Variants in ADK observed in about 807,000 individuals in gnomAD.
ADK encodes N6,N6-dimethyladenosine kinase.
Under a neutral mutation model 44.7 loss-of-function variants are expected in ADK, and 24 were observed. The observed-to-expected ratio is 0.54, with a 90% CI of 0.39 to 0.76. The LOEUF (loss-of-function observed/expected upper bound fraction) is 0.76, where lower values mean the gene tolerates loss of function less well. Ranked by LOEUF, ADK falls within the 30% of genes least tolerant of loss-of-function variation. The pLI, the probability that ADK is intolerant of heterozygous loss-of-function variation, is 0.00. For missense variants in ADK, 321 were observed against 425.1 expected, an observed-to-expected ratio of 0.76 and a Z score of 2.15; for synonymous variants, 128 against 142.6, an observed-to-expected ratio of 0.90 and a Z score of 0.73.
At chr10:74,587,826 G>A (rs973144517) in intron 7 of ADK, among the ~76,000 whole-genome samples, 1 of 151,242 alleles carries the variant, frequency 6.6e-6, no homozygotes, top group Non-Finnish European at 1.5e-5. Context: ...TAAAGTATAA[G>A]CACAAAGAGT....
intron 7 of ADK, among the ~76,000 whole-genome samples, chr10:74,566,489 A>G (rs1321692713): frequency 6.6e-6 from 1 of 152,036 alleles, no homozygotes; most frequent in Non-Finnish European, 1.5e-5. Context: ...TGCGTGAGCC[A>G]CCATACCTGG....
chr10:74,459,108 G>A (rs1458824402), intron 6 of ADK, among the ~76,000 whole-genome samples: 9 of 151,788 alleles, frequency 5.9e-5, no homozygotes, highest in Admixed American at 1.3e-4. Context: ...GCAAAACCCC[G>A]TCTCTACTAA....
chr10:74,214,737 G>A (rs997485021), intron 2 of ADK, among the ~76,000 whole-genome samples: 1 of 152,220 alleles, frequency 6.6e-6, no homozygotes, highest in Non-Finnish European at 1.5e-5. Flanking sequence ...ATTTAAAAGT[G>A]CCCTTTCCTC....
chr10:74,579,737 G>T (rs932395433), intron 7 of ADK, among the ~76,000 whole-genome samples: 2 of 152,176 alleles, frequency 1.3e-5, no homozygotes, highest in African/African-American at 2.4e-5. Flanking sequence ...ACACACACTG[G>T]ATATCTGCAG....
Position 74,163,376 on chromosome 10 carries a change from A to C in ADK, c.65+12033A>C, listed in dbSNP as rs569589983. Among the ~76,000 whole-genome samples, 32 of 152,300 alleles carry C rather than the reference A, an allele frequency of 2.1e-4. No homozygotes were observed. In the South Asian group the frequency reaches 6.6e-3, roughly 32 times the overall value. ...GAGGAATAGAGTTTCTGAAAGAGTG[A>C]ATGTACAAAGAAGATCCCAGTGACC... On this transcript the variant is annotated intron_variant, in intron 1 of 10. Coordinates refer to ENST00000539909, the MANE Select transcript of ADK (RefSeq NM_006721.4).
chr10:74,185,521 A>AT (rs11368451), intron 1 of ADK, among the ~76,000 whole-genome samples: 22,540 of 144,692 alleles, frequency 0.16, 1,808 homozygotes, highest in Middle Eastern at 0.27. Context: ...CAACAATATA[A>AT]TTTTTTTTTT....
In ADK at chr10:74,296,520, G is replaced by A. The variant is rs1259905583; in HGVS notation, c.195-18147G>A. On this transcript the variant is annotated intron_variant, in intron 3 of 10. Coordinates refer to ENST00000539909, the MANE Select transcript of ADK (RefSeq NM_006721.4). ...ATGGGCAAAGTTATAGAGAATAGGC[G>A]CTTTCATAAGCTATCATAAGGATAT... 2.0e-5 allele frequency among the ~76,000 whole-genome samples: 3 copies of A among 151,922 alleles called. No individual in the cohort carries two copies. The East Asian group carries it at 5.8e-4, about 29-fold the overall frequency.
intron 3 of ADK, among the ~76,000 whole-genome samples, chr10:74,268,937 A>G (rs1464046875): frequency 6.6e-6 from 1 of 152,226 alleles, no homozygotes; most frequent in Non-Finnish European, 1.5e-5. Context: ...TGTTTGGGGA[A>G]ATAATATCAA....
At chr10:74,360,463 G>T (rs1592099314) in intron 4 of ADK, among the ~76,000 whole-genome samples, 1 of 152,136 alleles carries the variant, frequency 6.6e-6, no homozygotes, top group Non-Finnish European at 1.5e-5. Flanking sequence ...GGGATGATCT[G>T]TCCATTGCCG....
At chr10:74,571,105 T>A (rs1033900926) in intron 7 of ADK, among the ~76,000 whole-genome samples, 1 of 152,248 alleles carries the variant, frequency 6.6e-6, no homozygotes, top group Non-Finnish European at 1.5e-5. Context: ...GATTTGCGTA[T>A]ATTGAACCAG....
At chr10:74,535,082 A>G (rs1005911668) in intron 7 of ADK, among the ~76,000 whole-genome samples, 22 of 152,324 alleles carry the variant, frequency 1.4e-4, no homozygotes, top group African/African-American at 5.3e-4. Flanking sequence ...GAAAAGTATA[A>G]AAGATTAAAG....
intron 5 of ADK, among the ~76,000 whole-genome samples, chr10:74,394,567 A>T (rs759121040): frequency 1.3e-5 from 2 of 152,216 alleles, no homozygotes; most frequent in Non-Finnish European, 2.9e-5. Context: ...AATTAGAATC[A>T]GAAAAGGCTG....
chr10:74,333,256 C>T (rs1459909778), intron 4 of ADK, among the ~76,000 whole-genome samples: 1 of 152,082 alleles, frequency 6.6e-6, no homozygotes, highest in Non-Finnish European at 1.5e-5. Flanking sequence ...GAAATACCAG[C>T]ATGTCACATT....
intron 2 of ADK, among the ~76,000 whole-genome samples, chr10:74,201,807 C>A: frequency 6.6e-6 from 1 of 151,842 alleles, no homozygotes; most frequent in East Asian, 1.9e-4. Context: ...ATAACGGGGG[C>A]ACTACTATAT....
At chr10:74,352,838 G>A (rs1279105757) in intron 4 of ADK, among the ~76,000 whole-genome samples, 1 of 152,212 alleles carries the variant, frequency 6.6e-6, no homozygotes, top group Non-Finnish European at 1.5e-5. Flanking sequence ...GGTCATTAGA[G>A]AAATGCAAAT....
intron 10 of ADK, among the ~76,000 whole-genome samples, chr10:74,698,930 C>T (rs1038229344): frequency 8.6e-5 from 13 of 151,898 alleles, no homozygotes; most frequent in African/African-American, 3.1e-4. Context: ...TCACTGCAGC[C>T]TCAACCTCCC....
intron 3 of ADK, among the ~76,000 whole-genome samples, chr10:74,286,629 A>G (rs768267058): frequency 3.9e-5 from 6 of 152,236 alleles, no homozygotes; most frequent in Non-Finnish European, 8.8e-5. Flanking sequence ...GCTAGACACA[A>G]CAGACTCTTG....
chr10:74,450,278 C>CT (rs1845729968), intron 6 of ADK, among the ~76,000 whole-genome samples: 1 of 152,186 alleles, frequency 6.6e-6, no homozygotes, highest in South Asian at 2.1e-4. Flanking sequence ...TATCTCTGCA[C>CT]TTCAGCCTGT....
chr10:74,201,644 A>ATATATATGTATGTATG (rs1554828688), intron 2 of ADK, among the ~76,000 whole-genome samples: 7 of 89,708 alleles, frequency 7.8e-5, no homozygotes, highest in African/African-American at 2.0e-4. Context: ...GTGTGTGTGT[A>ATATATATGTATGTATG]TATGTATGTA....
Sources: allele counts gnomAD v4.1 joint callset (sites outside exome capture counted in the v4.1 genomes callset), GRCh38; gene constraint gnomAD v4.1.1; transcripts MANE v1.5; gene names NCBI Gene and HGNC (gene_info 2026-07-23, HGNC 2026-07-21).